The following LYN variants were observed in gnomAD, a reference collection of about 807,000 sequenced individuals.
The protein encoded by LYN is LYN proto-oncogene, Src family tyrosine kinase.
LYN carries 12 observed loss-of-function variants against 65.0 expected under a neutral mutation model. That is an observed-to-expected ratio of 0.18 (90% confidence interval 0.12 to 0.30). The LOEUF is 0.30. Ranked by LOEUF, LYN falls within the 10% of genes least tolerant of loss-of-function variation. LYN has a pLI of 1.00. For synonymous variants in LYN, 222 were observed against 221.2 expected (o/e 1.00, Z -0.03); for missense variants, 380 against 623.2 (o/e 0.61, Z 4.16).
At chr8:55,970,680 A>G (rs570443226) in intron 10 of LYN, among the ~76,000 whole-genome samples, 2 of 152,136 alleles carry the variant, frequency 1.3e-5, no homozygotes, top group East Asian at 3.9e-4. Context: ...TACGAGATCC[A>G]AGGAATGCAT....
At chr8:55,911,293 T>A (rs1283890842) in intron 1 of LYN, among the ~76,000 whole-genome samples, 3 of 97,518 alleles carry the variant, frequency 3.1e-5, no homozygotes, top group Non-Finnish European at 6.3e-5. Context: ...ATATTTTTTT[T>A]TTTTTTTTAG....
intron 10 of LYN, among the ~76,000 whole-genome samples, chr8:55,979,889 C>G (rs1807870589): frequency 6.6e-6 from 1 of 152,208 alleles, no homozygotes; most frequent in African/African-American, 2.4e-5. Flanking sequence ...TGCGGAAGAC[C>G]CCACCCGAGC....
At chr8:55,991,464 A>G (rs1044643097) in intron 10 of LYN, among the ~76,000 whole-genome samples, 2 of 152,246 alleles carry the variant, frequency 1.3e-5, no homozygotes, top group Non-Finnish European at 2.9e-5. Flanking sequence ...AGGCCACTCT[A>G]GATGACTGGA....
chr8:55,932,955 AC>A (rs1806312689), intron 1 of LYN, among the ~76,000 whole-genome samples: 1 of 152,166 alleles, frequency 6.6e-6, no homozygotes, highest in Admixed American at 6.5e-5. Flanking sequence ...GACACGGGAG[AC>A]TACTAAAGTG....
Position 55,950,495 on chromosome 8 carries a change from A to G in LYN, c.321A>G (p.Thr107=). 2 of 1,613,064 alleles carry G rather than the reference A, an allele frequency of 1.2e-6. No individual in the cohort carries two copies. The highest frequency in any genetic ancestry group is 1.7e-4 in the Middle Eastern group (1 of 6,058). Residue 107 remains threonine (T), a synonymous_variant, in exon 5 of 13, where the codon ACA becomes ACG. Transcript: ENST00000519728. ...GGTGGAAAGCAAAGTCCCTTTTAAC[A>G]AAAAAAGAAGGCTTCATCCCCAGCA... ...GEWWKAKSLL[T]KKEGFIPSNY...
chr8:55,973,639 T>G (rs1026718353), intron 10 of LYN, among the ~76,000 whole-genome samples: 3 of 152,164 alleles, frequency 2.0e-5, no homozygotes, highest in African/African-American at 7.2e-5. Context: ...AGTGAAAAAT[T>G]TACAGTTGCA....
At position 56,013,158 on chromosome 8, in the gene LYN, AG is replaced by A. The variant is rs1326361230; in HGVS notation, c.*3050del. 1 of 152,264 alleles carries A rather than the reference AG, an allele frequency of 6.6e-6. No individual in the cohort carries two copies. The highest frequency in any genetic ancestry group is 1.5e-5 in the Non-Finnish European group (1 of 68,080). 9.4% of individuals were successfully genotyped at this position (152,264 alleles called of 1,614,324 possible). ...GGTGCATAAAAGGATAATAACTAAAAGGAGGGAATTAATTTTGTTGCCTACA... is the reference window on the plus strand; with the variant it reads ...GGTGCATAAAAGGATAATAACTAAAAGAGGGAATTAATTTTGTTGCCTACA... On this transcript the variant is annotated 3_prime_UTR_variant, in exon 13 of 13. Transcript: ENST00000519728.
intron 1 of LYN, among the ~76,000 whole-genome samples, chr8:55,908,219 A>T (rs1361137027): frequency 2.8e-5 from 4 of 143,120 alleles, no homozygotes; most frequent in Non-Finnish European, 6.1e-5. Context: ...AAGCTGTTTA[A>T]ACCATTTATT....
chr8:55,935,654 G>A lies in LYN; in HGVS notation c.-5-6201G>A, dbSNP rs117202649. ...CCATGCTTGGTGGCGGACGCCTGTA[G>A]TCCCCACTACTTGCTACTCAGGAGG... On this transcript the variant is annotated intron_variant, in intron 1 of 12. Transcript: ENST00000519728. 8.5e-3 allele frequency among the ~76,000 whole-genome samples: 1,290 copies of A among 152,032 alleles called. 14 individuals are homozygous for A. Among genetic ancestry groups the A allele is most frequent in the Non-Finnish European group, 0.015 (990 of 67,986 alleles).
intron 1 of LYN, among the ~76,000 whole-genome samples, chr8:55,882,390 AC>A (rs1804676023): frequency 2.0e-5 from 3 of 152,240 alleles, no homozygotes; most frequent in African/African-American, 7.2e-5. Context: ...ATCACCAAAA[AC>A]ATCTGAGATT....
Position 56,013,104 on chromosome 8 carries a change from CA to C in LYN, c.*2995del, listed in dbSNP as rs1210339044. 1.3e-5 allele frequency: 2 copies of C among 152,266 alleles called. No homozygotes were observed. The highest frequency in any genetic ancestry group is 2.9e-5 in the Non-Finnish European group (2 of 68,110). The allele number at this position is 152,266 out of a possible 1,614,324, so 9.4% of individuals were successfully genotyped here. A position where few individuals can be genotyped will look rare whatever the true frequency, so the allele number is the denominator to read the frequency against. ...CCCTTCTAGGGGAAATTCACTGCCA[CA>C]GAAGCCAGCAGCCCTGGCTGTCCCA... On this transcript the variant is annotated 3_prime_UTR_variant, in exon 13 of 13. Coordinates refer to ENST00000519728, the MANE Select transcript of LYN (RefSeq NM_002350.4).
At chr8:55,894,279 A>G (rs1585568896) in intron 1 of LYN, among the ~76,000 whole-genome samples, 1 of 151,106 alleles carries the variant, frequency 6.6e-6, no homozygotes, top group Non-Finnish European at 1.5e-5. Context: ...TGGCTCCTGC[A>G]GCCTCCACCT....
chr8:55,887,752 G>A (rs1229866226), intron 1 of LYN, among the ~76,000 whole-genome samples: 3 of 151,744 alleles, frequency 2.0e-5, no homozygotes, highest in African/African-American at 7.3e-5. Context: ...TGGAATTACA[G>A]GCACACACCA....
intron 12 of LYN, among the ~76,000 whole-genome samples, chr8:56,006,079 G>A (rs1047998311): frequency 6.6e-6 from 1 of 151,924 alleles, no homozygotes; most frequent in Non-Finnish European, 1.5e-5. Context: ...GTGAGACCCT[G>A]TCTCAAAAAA....
intron 1 of LYN, among the ~76,000 whole-genome samples, chr8:55,928,924 G>C (rs954841299): frequency 1.3e-5 from 2 of 152,008 alleles, no homozygotes; most frequent in Non-Finnish European, 2.9e-5. Context: ...CTTTAGGTCT[G>C]TGATTCATTT....
intron 1 of LYN, among the ~76,000 whole-genome samples, chr8:55,912,630 G>A (rs1805668848): frequency 6.6e-6 from 1 of 151,892 alleles, no homozygotes; most frequent in South Asian, 2.1e-4. Context: ...AGGAGGCTGA[G>A]GCAGGAGACT....
chr8:55,986,156 C>A (rs1213779369), intron 10 of LYN, among the ~76,000 whole-genome samples: 1 of 151,040 alleles, frequency 6.6e-6, no homozygotes, highest in African/African-American at 2.5e-5. Flanking sequence ...GCAACAGAGA[C>A]CCTGTCTCAA....
In LYN at chr8:55,941,977, A is replaced by G; in HGVS notation, c.118A>G (p.Lys40Glu). 6.2e-7 allele frequency: 1 copy of G among 1,613,704 alleles called. No homozygotes were observed. The highest frequency in any genetic ancestry group is 8.5e-7 in the Non-Finnish European group (1 of 1,179,880). Residue 40 changes from lysine (K) to glutamate (E), a missense_variant, in exon 2 of 13, where the codon AAA (lysine) becomes GAA (glutamate). Physicochemically the swap from Lys to Glu is moderately conservative, Grantham distance 56. Coordinates refer to ENST00000519728, the MANE Select transcript of LYN (RefSeq NM_002350.4). The stretch of plus-strand genomic sequence containing the variant: ...TTATGTGAGAGATCCAACGTCCAAT[A>G]AACAGCAAAGGCCAGTAAGTAGATA... ...TIYVRDPTSNKQQRPVPESQL... is the reference protein window; with the variant it reads ...TIYVRDPTSNEQQRPVPESQL...
rs114056291 is a variant in LYN at position 55,890,770 on chromosome 8, C to T, written c.-6+10667C>T. 7.8e-4 allele frequency among the ~76,000 whole-genome samples: 117 copies of T among 150,438 alleles called. 1 individual carries two copies. Among genetic ancestry groups the T allele is most frequent in the African/African-American group, 2.3e-3 (93 of 40,970 alleles). On this transcript the variant is annotated intron_variant, in intron 1 of 12. Coordinates refer to ENST00000519728, the MANE Select transcript of LYN (RefSeq NM_002350.4). ...TGAAACAGGGTTTTACTCTGTCACC[C>T]GGGCTAGAGTGTGGTGGCACCATTA...
Sources: gnomAD v4.1 joint callset for allele counts (sites outside exome capture counted in the v4.1 genomes callset) on GRCh38, gnomAD v4.1.1 for gene constraint, MANE v1.5 for transcripts, NCBI Gene and HGNC (gene_info 2026-07-23, HGNC 2026-07-21) for gene names.